Variants in TBC1D22A observed in about 807,000 individuals in gnomAD.
TBC1D22A encodes TBC1 domain family member 22A, also known as putative GTPase activator.
Under a neutral mutation model 60.2 loss-of-function variants are expected in TBC1D22A, and 38 were observed. The observed-to-expected ratio is 0.63, with a 90% CI of 0.49 to 0.83. The LOEUF (loss-of-function observed/expected upper bound fraction) is 0.83, where lower values mean the gene tolerates loss of function less well. TBC1D22A is among the 40% of genes least tolerant of loss of function. The pLI is 0.00. For synonymous variants in TBC1D22A, 302 were observed against 281.7 expected, an observed-to-expected ratio of 1.07 and a Z score of -0.72; for missense variants, 628 against 701.0, an observed-to-expected ratio of 0.90 and a Z score of 1.18.
intron 4 of TBC1D22A, among the ~76,000 whole-genome samples, chr22:46,847,951 G>GTGTGTT (rs1293238594): frequency 9.1e-6 from 1 of 110,006 alleles, no homozygotes; most frequent in African/African-American, 4.9e-5. Flanking sequence ...GTGTGTGTGT[G>GTGTGTT]TGTGCGCGCG....
intron 8 of TBC1D22A, among the ~76,000 whole-genome samples, chr22:46,949,021 G>A (rs2072731077): frequency 6.6e-6 from 1 of 152,206 alleles, no homozygotes; most frequent in Non-Finnish European, 1.5e-5. Context: ...AGCAGGAGTG[G>A]AGCGCCACTT....
intron 8 of TBC1D22A, among the ~76,000 whole-genome samples, chr22:46,958,579 C>A (rs1027468360): frequency 6.6e-6 from 1 of 152,240 alleles, no homozygotes; most frequent in Non-Finnish European, 1.5e-5. Flanking sequence ...CTTCACTCAG[C>A]CAGCCTCCGT....
chr22:46,784,193 A>G (rs2084061495), intron 1 of TBC1D22A, among the ~76,000 whole-genome samples: 1 of 152,092 alleles, frequency 6.6e-6, no homozygotes, highest in African/African-American at 2.4e-5. Context: ...CTCCAGGTAC[A>G]TGCCACTGTG....
intron 7 of TBC1D22A, among the ~76,000 whole-genome samples, chr22:46,898,040 A>G (rs571987622): frequency 1.3e-5 from 2 of 152,338 alleles, no homozygotes; most frequent in South Asian, 4.1e-4. Context: ...AGTTGTGCCT[A>G]TCATACCTGG....
At chr22:47,149,102 G>A (rs1344650444) in intron 12 of TBC1D22A, among the ~76,000 whole-genome samples, 4 of 152,188 alleles carry the variant, frequency 2.6e-5, no homozygotes, top group African/African-American at 2.4e-5. Context: ...ACTGGCCGCC[G>A]AGTGATTGGT....
At chr22:46,972,425 C>T (rs537049055) in intron 8 of TBC1D22A, among the ~76,000 whole-genome samples, 15 of 152,260 alleles carry the variant, frequency 9.9e-5, no homozygotes, top group Non-Finnish European at 1.6e-4. Flanking sequence ...TGCAGAGACG[C>T]GGCGTGGCCT....
intron 10 of TBC1D22A, among the ~76,000 whole-genome samples, chr22:47,036,450 T>C (rs1169775923): frequency 2.0e-5 from 3 of 152,146 alleles, no homozygotes; most frequent in Non-Finnish European, 4.4e-5. Flanking sequence ...GGGGAGCGCA[T>C]GTGGCTGGTG....
intron 12 of TBC1D22A, among the ~76,000 whole-genome samples, chr22:47,161,975 C>T (rs1281785319): frequency 2.6e-5 from 4 of 152,246 alleles, no homozygotes. Context: ...TGTGTAAGGA[C>T]TGCAGGGCCT....
chr22:47,108,151 C>T, intron 11 of TBC1D22A, among the ~76,000 whole-genome samples: 1 of 152,282 alleles, frequency 6.6e-6, no homozygotes, highest in East Asian at 1.9e-4. Context: ...GCAGTTTTTT[C>T]AAAAGGTAAA....
chr22:46,968,969 A>T (rs73482666), intron 8 of TBC1D22A, among the ~76,000 whole-genome samples: 3,963 of 152,142 alleles, frequency 0.026, 173 homozygotes, highest in African/African-American at 0.091. Context: ...ATCCACGTGG[A>T]CTGGTGGAGT....
intron 10 of TBC1D22A, among the ~76,000 whole-genome samples, chr22:47,020,046 A>G (rs2062035143): frequency 6.7e-6 from 1 of 150,308 alleles, no homozygotes; most frequent in Admixed American, 6.6e-5. Flanking sequence ...CCCCCCACCC[A>G]TGTCTCAGCC....
chr22:46,843,721 G>A (rs972858989), intron 4 of TBC1D22A, among the ~76,000 whole-genome samples: 5 of 152,110 alleles, frequency 3.3e-5, no homozygotes, highest in African/African-American at 1.2e-4. Flanking sequence ...GGTGAGCGGT[G>A]AACTGGGTAA....
chr22:47,080,871 C>G (rs886271442), intron 11 of TBC1D22A, among the ~76,000 whole-genome samples: 1 of 152,132 alleles, frequency 6.6e-6, no homozygotes, highest in African/African-American at 2.4e-5. Context: ...GCCTGTAATC[C>G]CAGCACTTTG....
chr22:47,169,516 C>T (rs990730783), intron 12 of TBC1D22A, among the ~76,000 whole-genome samples: 7 of 152,178 alleles, frequency 4.6e-5, no homozygotes, highest in African/African-American at 1.7e-4. Context: ...ACCTCCAGGC[C>T]ATGCAGCGAG....
At chr22:46,978,586 T>C (rs567917418) in intron 9 of TBC1D22A, among the ~76,000 whole-genome samples, 1 of 152,142 alleles carries the variant, frequency 6.6e-6, no homozygotes, top group Non-Finnish European at 1.5e-5. Context: ...CATAGATACA[T>C]AGTTGGAAAA....
intron 7 of TBC1D22A, 140 bp from the exon 8 acceptor site, chr22:46,911,934 T>A (rs985970907): frequency 2.6e-5 from 14 of 547,908 alleles, no homozygotes; most frequent in East Asian, 6.6e-5. Context: ...AAAAAAAAAA[T>A]TGATATTTGT....
At chr22:47,117,156 G>T in intron 12 of TBC1D22A, 1 of 154,366 alleles carries the variant, frequency 6.5e-6, no homozygotes, top group Non-Finnish European at 1.4e-5. Flanking sequence ...TTGGCGCCGC[G>T]GGTGGATTGG....
intron 11 of TBC1D22A, among the ~76,000 whole-genome samples, chr22:47,086,454 TCAAA>T (rs367825282): frequency 3.9e-4 from 60 of 152,150 alleles, no homozygotes; most frequent in East Asian, 1.2e-3. Flanking sequence ...AAACCCCATC[TCAAA>T]CAAACAAACA....
intron 4 of TBC1D22A, among the ~76,000 whole-genome samples, chr22:46,872,801 A>G (rs1047301272): frequency 1.2e-4 from 18 of 152,226 alleles, no homozygotes; most frequent in African/African-American, 3.6e-4. Context: ...AGTCCCATCA[A>G]GTCCTTAGCT....
Sources: gnomAD v4.1 joint callset for allele counts (sites outside exome capture counted in the v4.1 genomes callset) on GRCh38, gnomAD v4.1.1 for gene constraint, MANE v1.5 for transcripts, NCBI Gene and HGNC (gene_info 2026-07-23, HGNC 2026-07-21) for gene names.